GRM8: variants seen among roughly 807,000 people sequenced by gnomAD.
GRM8 encodes metabotropic glutamate receptor 8.
GRM8 carries 47 observed loss-of-function variants against 87.2 expected under a neutral mutation model. That is an observed-to-expected ratio of 0.54 (90% CI 0.43 to 0.69). The LOEUF (loss-of-function observed/expected upper bound fraction) is 0.69, where lower values mean the gene tolerates loss of function less well. Among genes scored for constraint, GRM8 ranks in the 30% least tolerant of loss-of-function variants. The pLI, the probability that GRM8 is intolerant of heterozygous loss-of-function variation, is 0.00. For missense variants in GRM8, 1,019 were observed against 1,139.2 expected (o/e 0.89, Z 1.52); for synonymous variants, 396 against 404.5 (o/e 0.98, Z 0.25).
chr7:127,140,274 T>C (rs538675778), intron 2 of GRM8, among the ~76,000 whole-genome samples: 67 of 152,214 alleles, frequency 4.4e-4, no homozygotes, highest in African/African-American at 1.3e-3. Flanking sequence ...CTGGTCTCTA[T>C]TCATTAGACA....
chr7:127,139,657 A>G (rs1828148632), intron 2 of GRM8, among the ~76,000 whole-genome samples: 2 of 152,054 alleles, frequency 1.3e-5, no homozygotes, highest in Admixed American at 6.5e-5. Context: ...CAAGTACATC[A>G]TTACGATTGT....
chr7:126,669,360 A>G (rs866953511), intron 7 of GRM8, among the ~76,000 whole-genome samples: 3 of 151,998 alleles, frequency 2.0e-5, no homozygotes, highest in Non-Finnish European at 4.4e-5. Context: ...AAAGTCAACA[A>G]GAAAAAAAAA....
intron 2 of GRM8, among the ~76,000 whole-genome samples, chr7:127,119,472 C>T (rs933812114): frequency 2.0e-5 from 3 of 149,482 alleles, no homozygotes; most frequent in Non-Finnish European, 4.4e-5. Flanking sequence ...GGTGACAGAG[C>T]GAGATCCTGT....
At chr7:126,521,436 C>T (rs781231933) in intron 9 of GRM8, among the ~76,000 whole-genome samples, 10 of 151,826 alleles carry the variant, frequency 6.6e-5, no homozygotes, top group Non-Finnish European at 1.5e-5. Flanking sequence ...CCCACAAAAA[C>T]CTACAATTAG....
chr7:126,886,339 A>G (rs1053876322), intron 6 of GRM8, among the ~76,000 whole-genome samples: 1 of 152,250 alleles, frequency 6.6e-6, no homozygotes, highest in African/African-American at 2.4e-5. Flanking sequence ...TTTTTTAACA[A>G]AGAAAAGCTT....
At chr7:126,877,302 A>G (rs1799607700) in intron 6 of GRM8, among the ~76,000 whole-genome samples, 4 of 152,224 alleles carry the variant, frequency 2.6e-5, no homozygotes, top group Admixed American at 1.3e-4. Flanking sequence ...AAAGTTTGCC[A>G]ATCTGTTTGG....
intron 10 of GRM8, among the ~76,000 whole-genome samples, chr7:126,441,637 A>G (rs934298867): frequency 6.6e-6 from 1 of 152,118 alleles, no homozygotes; most frequent in South Asian, 2.1e-4. Context: ...TAATTTATTT[A>G]TTGAACATTG....
At chr7:126,878,829 G>C (rs1799764294) in intron 6 of GRM8, among the ~76,000 whole-genome samples, 1 of 151,592 alleles carries the variant, frequency 6.6e-6, no homozygotes, top group South Asian at 2.1e-4. Flanking sequence ...ACCCAGCCTT[G>C]AGATACTGTC....
chr7:127,022,647 G>A (rs1246589512), intron 3 of GRM8, among the ~76,000 whole-genome samples: 1 of 151,898 alleles, frequency 6.6e-6, no homozygotes, highest in Non-Finnish European at 1.5e-5. Context: ...ATATGAATCA[G>A]GAAAGAAAGA....
chr7:126,579,655 T>C (rs1014068669), intron 8 of GRM8, among the ~76,000 whole-genome samples: 3 of 152,146 alleles, frequency 2.0e-5, no homozygotes, highest in Non-Finnish European at 4.4e-5. Flanking sequence ...GGAAAAGGAA[T>C]TTTTACTTGC....
chr7:126,781,661 A>G (rs187679210), intron 6 of GRM8, among the ~76,000 whole-genome samples: 3 of 152,294 alleles, frequency 2.0e-5, no homozygotes, highest in Non-Finnish European at 4.4e-5. Flanking sequence ...TAATTAATAG[A>G]AATGCTTATG....
At chr7:126,587,261 C>T (rs1796231760) in intron 8 of GRM8, among the ~76,000 whole-genome samples, 1 of 152,208 alleles carries the variant, frequency 6.6e-6, no homozygotes, top group Non-Finnish European at 1.5e-5. Flanking sequence ...TTGTGGAAGT[C>T]AGTGTGGCGA....
intron 3 of GRM8, chr7:127,095,843 T>C (rs968848192): frequency 6.6e-6 from 1 of 152,184 alleles, no homozygotes; most frequent in Non-Finnish European, 1.5e-5. Context: ...CCACCTCCTC[T>C]GAAACACAGT....
At chr7:126,724,307 A>C (rs1399503378) in intron 7 of GRM8, among the ~76,000 whole-genome samples, 2 of 152,136 alleles carry the variant, frequency 1.3e-5, no homozygotes, top group African/African-American at 2.4e-5. Flanking sequence ...GTTGCATGAC[A>C]ATTCCAAATC....
Position 126,641,263 on chromosome 7 carries a change from A to G in GRM8, c.1358-31765T>C, listed in dbSNP as rs756097920. ...TTCAATAAAATCTTTTAAACTGACC[A>G]TCTACTGTTCTGAACCCAAAACAAA... On this transcript the variant is annotated intron_variant, in intron 7 of 10. Transcript: ENST00000339582. Among the ~76,000 whole-genome samples the G allele has an allele frequency of 2.6e-5, 4 of 152,330 alleles. No homozygotes were observed. The South Asian group carries it at 8.3e-4, about 32-fold the overall frequency.
intron 2 of GRM8, among the ~76,000 whole-genome samples, chr7:127,140,145 G>A (rs1286948191): frequency 1.3e-5 from 2 of 152,126 alleles, no homozygotes; most frequent in Non-Finnish European, 2.9e-5. Flanking sequence ...CAAGACTATG[G>A]AGTGGTAATC....
chr7:127,026,226 A>C (rs1281625363), intron 3 of GRM8, among the ~76,000 whole-genome samples: 1 of 151,942 alleles, frequency 6.6e-6, no homozygotes, highest in African/African-American at 2.4e-5. Context: ...TATGTGCCAC[A>C]TTTTCTTTAT....
At chr7:127,164,607 T>C (rs1052627341) in intron 2 of GRM8, among the ~76,000 whole-genome samples, 17 of 152,192 alleles carry the variant, frequency 1.1e-4, no homozygotes, top group African/African-American at 4.1e-4. Context: ...ACACAGACTT[T>C]GGAGAGTTCC....
intron 7 of GRM8, among the ~76,000 whole-genome samples, chr7:126,742,978 T>TG (rs1386489492): frequency 6.6e-6 from 1 of 152,080 alleles, no homozygotes; most frequent in African/African-American, 2.4e-5. Flanking sequence ...GCTGACCCGC[T>TG]GTCTGGCATA....
Sources: gnomAD v4.1 joint callset for allele counts (sites outside exome capture counted in the v4.1 genomes callset) on GRCh38, gnomAD v4.1.1 for gene constraint, MANE v1.5 for transcripts, NCBI Gene and HGNC (gene_info 2026-07-23, HGNC 2026-07-21) for gene names.